The following RBPMS variants were observed in gnomAD, a reference collection of about 807,000 sequenced individuals.
RBPMS encodes RNA binding protein, mRNA processing factor.
A neutral mutation model predicts 26.8 loss-of-function variants in RBPMS; 7 were observed. The ratio of observed to expected loss-of-function variants is 0.26; its 90% CI spans 0.15 to 0.49. The LOEUF (loss-of-function observed/expected upper bound fraction) is 0.49. Among genes scored for constraint, RBPMS ranks in the 20% least tolerant of loss-of-function variants. RBPMS has a pLI of 0.98. For synonymous variants in RBPMS, 96 were observed against 93.3 expected, an observed-to-expected ratio of 1.03 and a Z score of -0.17; for missense variants, 186 against 250.0, an observed-to-expected ratio of 0.74 and a Z score of 1.73.
At chr8:30,548,423 A>T (rs1177908412) in intron 6 of RBPMS, among the ~76,000 whole-genome samples, 3 of 152,180 alleles carry the variant, frequency 2.0e-5, no homozygotes, top group African/African-American at 7.2e-5. Context: ...AAGCTTCTGT[A>T]GGTAAGTAGG....
At chr8:30,385,465 A>ACC in intron 1 of RBPMS, 1 of 263,480 alleles carries the variant, frequency 3.8e-6, no homozygotes, top group Non-Finnish European at 7.1e-6. Flanking sequence ...GTGACCTCAG[A>ACC]TAATCGGGAC....
intron 8 of RBPMS, among the ~76,000 whole-genome samples, chr8:30,567,042 A>G (rs963332604): frequency 6.6e-6 from 1 of 152,130 alleles, no homozygotes; most frequent in African/African-American, 2.4e-5. Context: ...CCCAGAGGTG[A>G]CCTTGCTGTT....
In RBPMS at chr8:30,547,714, G is replaced by A. The variant is rs562852295; in HGVS notation, c.528+3090G>A. 3.3e-5 allele frequency among the ~76,000 whole-genome samples: 5 copies of A among 152,296 alleles called. No homozygotes were observed. The East Asian group carries it at 9.7e-4, about 29-fold the overall frequency. On this transcript the variant is annotated intron_variant, in intron 6 of 8. Transcript: ENST00000397323. ...ACTGCTGCTGCTTGTCTCTCCCTGG[G>A]CTCCCAGAAGAGCCACCAAGAGCTG...
chr8:30,429,943 T>C (rs1811746281), intron 1 of RBPMS, among the ~76,000 whole-genome samples: 1 of 152,218 alleles, frequency 6.6e-6, no homozygotes, highest in African/African-American at 2.4e-5. Context: ...ATTATAGCCA[T>C]ATAGTTACAG....
chr8:30,549,913 T>C lies in RBPMS; in HGVS notation c.528+5289T>C, dbSNP rs3779638. 5.7e-3 allele frequency among the ~76,000 whole-genome samples: 858 copies of C among 150,318 alleles called. 49 individuals are homozygous for C. The East Asian group carries it at 0.14, about 25-fold the overall frequency. On this transcript the variant is annotated intron_variant, in intron 6 of 8. Transcript: ENST00000397323. Reference sequence around the variant, plus strand: ...TCGCCCAGGCTGGAGTGCAGTGGTGTGATCTCGGCTCACTGCAAGCTCCGC... The same window carrying C: ...TCGCCCAGGCTGGAGTGCAGTGGTGCGATCTCGGCTCACTGCAAGCTCCGC...
chr8:30,458,768 GTGGTGCAAACA>G (rs1815540014), intron 1 of RBPMS, among the ~76,000 whole-genome samples: 1 of 152,146 alleles, frequency 6.6e-6, no homozygotes, highest in Non-Finnish European at 1.5e-5. Context: ...CTGGAGTGCA[GTGGTGCAAACA>G]TGGCTCACTG....
chr8:30,461,222 TAAA>T (rs1815854937), intron 1 of RBPMS, among the ~76,000 whole-genome samples: 1 of 152,190 alleles, frequency 6.6e-6, no homozygotes, highest in African/African-American at 2.4e-5. Flanking sequence ...TATGGCATCA[TAAA>T]GAAGTGATTT....
At chr8:30,454,575 A>G (rs1814979945) in intron 1 of RBPMS, among the ~76,000 whole-genome samples, 1 of 152,224 alleles carries the variant, frequency 6.6e-6, no homozygotes, top group African/African-American at 2.4e-5. Context: ...TTATAATTAC[A>G]TAGTTTATGT....
chr8:30,423,387 A>T (rs1811012502), intron 1 of RBPMS, among the ~76,000 whole-genome samples: 1 of 152,102 alleles, frequency 6.6e-6, no homozygotes, highest in Non-Finnish European at 1.5e-5. Flanking sequence ...CTCTTTGTGT[A>T]TGCAGGGCCT....
chr8:30,427,055 T>G (rs1384899859), intron 1 of RBPMS, among the ~76,000 whole-genome samples: 1 of 152,194 alleles, frequency 6.6e-6, no homozygotes, highest in Non-Finnish European at 1.5e-5. Flanking sequence ...CCTCCCAAAG[T>G]GCTGGGATTA....
intron 4 of RBPMS, among the ~76,000 whole-genome samples, chr8:30,496,837 C>T (rs1206401277): frequency 3.3e-5 from 5 of 152,154 alleles, no homozygotes; most frequent in South Asian, 2.1e-4. Flanking sequence ...TACCCAGATG[C>T]GGGTTTATCT....
At chr8:30,558,576 G>A in intron 6 of RBPMS, 2 of 480,580 alleles carry the variant, frequency 4.2e-6, no homozygotes, top group Middle Eastern at 5.9e-4. Context: ...CGCTGTGCCG[G>A]ATCTTAGCCT....
chr8:30,473,395 G>A (rs1404095411), intron 1 of RBPMS, among the ~76,000 whole-genome samples: 4 of 152,144 alleles, frequency 2.6e-5, no homozygotes, highest in Non-Finnish European at 5.9e-5. Flanking sequence ...AGCACATAGT[G>A]TGTACCCTAC....
intron 5 of RBPMS, among the ~76,000 whole-genome samples, chr8:30,511,905 G>A (rs894260914): frequency 2.0e-5 from 3 of 152,142 alleles, no homozygotes; most frequent in African/African-American, 7.2e-5. Context: ...GTTAGCTGAA[G>A]TTGAACCACC....
At chr8:30,410,011 G>A (rs1056341644) in intron 1 of RBPMS, among the ~76,000 whole-genome samples, 1 of 152,128 alleles carries the variant, frequency 6.6e-6, no homozygotes, top group African/African-American at 2.4e-5. Flanking sequence ...CACCCAACAA[G>A]TATATATTGA....
chr8:30,544,389 G>T, intron 5 of RBPMS, 105 bp from the exon 6 acceptor site: 3 of 1,117,792 alleles, frequency 2.7e-6, no homozygotes, highest in South Asian at 1.4e-5. Context: ...AGAGTAATTT[G>T]ACTTCCGACA....
intron 1 of RBPMS, among the ~76,000 whole-genome samples, chr8:30,447,935 G>A (rs1246274952): frequency 6.6e-6 from 1 of 152,112 alleles, no homozygotes; most frequent in Non-Finnish European, 1.5e-5. Context: ...ATTATAGATA[G>A]CTCTCTGATA....
chr8:30,461,689 C>T (rs1436307600), intron 1 of RBPMS, among the ~76,000 whole-genome samples: 1 of 152,186 alleles, frequency 6.6e-6, no homozygotes, highest in Admixed American at 6.5e-5. Flanking sequence ...GCCACCGCAC[C>T]CGGCCTCATG....
chr8:30,471,788 C>T (rs1473111347), intron 1 of RBPMS, among the ~76,000 whole-genome samples: 1 of 152,130 alleles, frequency 6.6e-6, no homozygotes, highest in Non-Finnish European at 1.5e-5. Flanking sequence ...AGCAATTCTG[C>T]CTCAGCGAAC....
Sources: allele counts gnomAD v4.1 joint callset (sites outside exome capture counted in the v4.1 genomes callset), GRCh38; gene constraint gnomAD v4.1.1; transcripts MANE v1.5; gene names NCBI Gene and HGNC (gene_info 2026-07-23, HGNC 2026-07-21).